Variants in PCDHGB7 observed in about 807,000 individuals in gnomAD.
PCDHGB7 encodes the protein protocadherin gamma-B7.
PCDHGB7 carries 37 observed loss-of-function variants against 61.4 expected under a neutral mutation model. The ratio of observed to expected loss-of-function variants is 0.60; its 90% CI spans 0.46 to 0.79. The LOEUF is 0.79. PCDHGB7 is among the 30% of genes least tolerant of loss of function. PCDHGB7 has a pLI of 0.00. For missense variants in PCDHGB7, 1,166 were observed against 1,202.5 expected (o/e 0.97, Z 0.45); for synonymous variants, 464 against 503.5 (o/e 0.92, Z 1.05).
intron 2 of PCDHGB7, among the ~76,000 whole-genome samples, chr5:141,501,333 A>ACACC (rs1186649373): frequency 5.5e-4 from 77 of 140,128 alleles, no homozygotes; most frequent in African/African-American, 6.0e-4. Context: ...ACACACACAC[A>ACACC]CCCCAAACTC....
At position 141,422,526 on chromosome 5, in the gene PCDHGB7, G is replaced by A. The variant is rs956066609; in HGVS notation, c.2415+2252G>A. 9 of 1,613,866 alleles carry A rather than the reference G, an allele frequency of 5.6e-6. No homozygotes were observed. In the African/African-American group the frequency reaches 1.1e-4, roughly 19 times the overall value. The stretch of plus-strand genomic sequence containing the variant: ...CCACAGACCAGGGAAGCCCGCCTTT[G>A]TCTGCAGAAACTCATGTCTGGCTGA... On this transcript the variant is annotated intron_variant, in intron 1 of 3. Coordinates refer to ENST00000398594, the MANE Select transcript of PCDHGB7 (RefSeq NM_018927.4).
intron 1 of PCDHGB7, among the ~76,000 whole-genome samples, chr5:141,438,587 CATACATATATATATATATATATATATAT>C (rs1267620600): frequency 1.4e-5 from 1 of 73,428 alleles, no homozygotes; most frequent in Non-Finnish European, 2.6e-5. Context: ...TACATACATA[CATACATATATATATATATATATATATAT>C]ATATATATAT....
chr5:141,509,115 G>C (rs1480955058), intron 3 of PCDHGB7, among the ~76,000 whole-genome samples: 1 of 152,186 alleles, frequency 6.6e-6, no homozygotes, highest in Non-Finnish European at 1.5e-5. Flanking sequence ...GAGCGCTGGT[G>C]CGTGAAGAGA....
In PCDHGB7 at chr5:141,419,870, G is replaced by C; in HGVS notation, c.2011G>C (p.Val671Leu). The part of the protein sequence containing the change: ...HLVFADSLQE[V>L]LPDFSDHPTP... ...GGTGTTCGCAGATAGCTTGCAAGAG[G>C]TACTGCCGGATTTCAGCGACCATCC... Residue 671 changes from valine (V) to leucine (L), a missense_variant, in exon 1 of 4, where the codon GTA becomes CTA. By Grantham distance (32) the Val-to-Leu change is conservative. Transcript: ENST00000398594. The C allele has an allele frequency of 6.2e-7, 1 of 1,614,054 alleles. No homozygotes were observed. Among genetic ancestry groups the C allele is most frequent in the Non-Finnish European group, 8.5e-7 (1 of 1,179,892 alleles).
chr5:141,477,287 G>T lies in PCDHGB7; in HGVS notation c.2416-17520G>T. ...CGAGAACGGGCTGGTGACCTGCGAA[G>T]TTCCACCGGGTCTCCCTTTCAGCCT... On this transcript the variant is annotated intron_variant, in intron 1 of 3. Coordinates refer to ENST00000398594, the MANE Select transcript of PCDHGB7 (RefSeq NM_018927.4). The surrounding 1 kb of genome is among the most constrained non-coding windows in gnomAD (Gnocchi z 4.9). The T allele has an allele frequency of 6.2e-7, 1 of 1,614,190 alleles. No homozygotes were observed.
intron 1 of PCDHGB7, chr5:141,427,848 C>A: frequency 6.4e-7 from 1 of 1,551,668 alleles, no homozygotes; most frequent in Non-Finnish European, 8.8e-7. Flanking sequence ...CGACCACGAG[C>A]AGCTGTGCGC....
At chr5:141,428,540 C>T (rs1561836755) in intron 1 of PCDHGB7, 6 of 268,146 alleles carry the variant, frequency 2.2e-5, no homozygotes, top group South Asian at 8.6e-5. Context: ...CTCACCATGA[C>T]ACCAGAAACA....
Position 141,428,071 on chromosome 5 carries a change from C to T in PCDHGB7, c.2415+7797C>T, listed in dbSNP as rs968712502. ...AAGGTGGTGGCGGTGGACGCAGATTCGGGACACAACGCTTGGCTGTCCTAC... is the reference window on the plus strand; with the variant it reads ...AAGGTGGTGGCGGTGGACGCAGATTTGGGACACAACGCTTGGCTGTCCTAC... On this transcript the variant is annotated intron_variant, in intron 1 of 3. Transcript: ENST00000398594. The T allele has an allele frequency of 5.6e-6, 9 of 1,609,140 alleles. No homozygotes were observed. In the Middle Eastern group the frequency reaches 1.0e-3, roughly 184 times the overall value.
intron 1 of PCDHGB7, among the ~76,000 whole-genome samples, chr5:141,472,991 AAAAAAAGAAAGAAAAAG>A (rs2099310051): frequency 6.6e-6 from 1 of 151,894 alleles, no homozygotes; most frequent in Admixed American, 6.6e-5. Flanking sequence ...AAAAAAAAAA[AAAAAAAGAAAGAAAAAG>A]AAAAAGAAAG....
rs2099389707 is a variant in PCDHGB7, at chr5:141,476,358, G to A, written c.2416-18449G>A. On this transcript the variant is annotated intron_variant, in intron 1 of 3. Transcript: ENST00000398594. This position sits in a 1 kb window ranked among gnomAD's most constrained non-coding sequence, Gnocchi z 7.6. ...AGCCGAAGATTCTTTGAGGTGAACC[G>A]GGAGACCGGAGAGATGTTTGTGAAC... 6.2e-7 allele frequency: 1 copy of A among 1,614,134 alleles called. No individual in the cohort carries two copies. The highest frequency in any genetic ancestry group is 8.5e-7 in the Non-Finnish European group (1 of 1,180,022).
intron 2 of PCDHGB7, among the ~76,000 whole-genome samples, chr5:141,497,893 C>T (rs1194262199): frequency 6.6e-6 from 1 of 152,132 alleles, no homozygotes; most frequent in Non-Finnish European, 1.5e-5. Flanking sequence ...GGATCTAGTC[C>T]AGTAACTTCA....
In PCDHGB7 at chr5:141,493,550, T is replaced by C. The variant is rs978188511; in HGVS notation, c.2416-1257T>C. On this transcript the variant is annotated intron_variant, in intron 1 of 3. Coordinates refer to ENST00000398594, the MANE Select transcript of PCDHGB7 (RefSeq NM_018927.4). This position sits in a 1 kb window ranked among gnomAD's most constrained non-coding sequence, Gnocchi z 4.3. Reference sequence around the variant, plus strand: ...ACTTGGCCAGTTATCCTTTTGGAGATTGAGTTCCCCCAGCTCCGTTTCCTC... The same window carrying C: ...ACTTGGCCAGTTATCCTTTTGGAGACTGAGTTCCCCCAGCTCCGTTTCCTC... Among the ~76,000 whole-genome samples the C allele has an allele frequency of 1.3e-5, 2 of 152,172 alleles. No homozygotes were observed. The highest frequency in any genetic ancestry group is 2.4e-5 in the African/African-American group (1 of 41,430).
intron 2 of PCDHGB7, among the ~76,000 whole-genome samples, chr5:141,495,700 T>A (rs2099763052): frequency 6.6e-6 from 1 of 152,228 alleles, no homozygotes; most frequent in Non-Finnish European, 1.5e-5. Flanking sequence ...GCTCAATAAA[T>A]GTGGAGTGAG....
At chr5:141,506,923 C>T (rs1414595306) in intron 3 of PCDHGB7, among the ~76,000 whole-genome samples, 4 of 152,184 alleles carry the variant, frequency 2.6e-5, no homozygotes, top group African/African-American at 9.7e-5. Context: ...ACATACTAAA[C>T]AAACTTTAGG....
rs1178101439 is a variant in PCDHGB7, at chr5:141,443,790, T to C, written c.2415+23516T>C. On this transcript the variant is annotated intron_variant, in intron 1 of 3. Coordinates refer to ENST00000398594, the MANE Select transcript of PCDHGB7 (RefSeq NM_018927.4). Reference sequence around the variant, plus strand: ...AATATTACCAAAAAGACAAAAAAAATGAAAAGGAAACAGTTACCTTTGGAA... The same window carrying C: ...AATATTACCAAAAAGACAAAAAAAACGAAAAGGAAACAGTTACCTTTGGAA... Among the ~76,000 whole-genome samples, 6 of 151,950 alleles carry C rather than the reference T, an allele frequency of 3.9e-5. No homozygotes were observed. The East Asian group carries it at 1.2e-3, about 29-fold the overall frequency.
chr5:141,427,606 G>A (rs965315804), intron 1 of PCDHGB7: 2 of 688,192 alleles, frequency 2.9e-6, no homozygotes, highest in African/African-American at 3.5e-5. Flanking sequence ...CTACGCATTG[G>A]TGAAGTCAAC....
At chr5:141,498,632 A>G (rs2099784830) in intron 2 of PCDHGB7, among the ~76,000 whole-genome samples, 1 of 152,118 alleles carries the variant, frequency 6.6e-6, no homozygotes, top group South Asian at 2.1e-4. Context: ...CACTGCCTAG[A>G]CAGAAGGAAG....
chr5:141,438,545 A>C (rs915206342), intron 1 of PCDHGB7, among the ~76,000 whole-genome samples: 4 of 140,354 alleles, frequency 2.8e-5, no homozygotes, highest in Admixed American at 7.4e-5. Flanking sequence ...TCTATATCTA[A>C]GCCCTAATAA....
chr5:141,421,160 A>T, intron 1 of PCDHGB7: 1 of 1,250,104 alleles, frequency 8.0e-7, no homozygotes, highest in Non-Finnish European at 1.1e-6. Flanking sequence ...CTAGGACTTC[A>T]TAGATACATA....
Sources: allele counts gnomAD v4.1 joint callset (sites outside exome capture counted in the v4.1 genomes callset), GRCh38; gene constraint gnomAD v4.1.1; non-coding constraint Gnocchi (gnomAD v3.1); transcripts MANE v1.5; gene names NCBI Gene and HGNC (gene_info 2026-07-23, HGNC 2026-07-21).